Variants in TMPRSS7 observed in about 807,000 individuals in gnomAD.
TMPRSS7 encodes transmembrane protease serine 7.
TMPRSS7 carries 81 observed loss-of-function variants against 95.6 expected under a neutral mutation model. The observed-to-expected ratio is 0.85, with a 90% CI of 0.71 to 1.02. TMPRSS7 has a LOEUF of 1.02. TMPRSS7 is among the 50% of genes least tolerant of loss of function. The pLI, the probability that TMPRSS7 is intolerant of heterozygous loss-of-function variation, is 0.00. For synonymous variants in TMPRSS7, 364 were observed against 337.8 expected (o/e 1.08, Z -0.85); for missense variants, 945 against 955.2 (o/e 0.99, Z 0.14).
intron 10 of TMPRSS7, 80 bp downstream of exon 10, chr3:112,057,211 T>G: frequency 9.5e-7 from 1 of 1,056,190 alleles, no homozygotes; most frequent in South Asian, 1.5e-5. Flanking sequence ...CCTCAAAGAG[T>G]TTGCGCTTTA....
chr3:112,063,224 T>C (rs2073533008), intron 11 of TMPRSS7, among the ~76,000 whole-genome samples: 1 of 151,476 alleles, frequency 6.6e-6, no homozygotes, highest in Non-Finnish European at 1.5e-5. Flanking sequence ...TTCAGGTATA[T>C]GACAAAGTCA....
chr3:112,036,398 A>G (rs1226674230), intron 1 of TMPRSS7, among the ~76,000 whole-genome samples: 1 of 152,136 alleles, frequency 6.6e-6, no homozygotes, highest in Non-Finnish European at 1.5e-5. Flanking sequence ...GTGAAACCGC[A>G]TCTCTACTAC....
At chr3:112,063,666 T>C (rs944496893) in intron 12 of TMPRSS7, 34 bp downstream of exon 12, 6 of 1,536,108 alleles carry the variant, frequency 3.9e-6, no homozygotes, top group South Asian at 1.1e-5. Context: ...GACTTTCTTA[T>C]GAATAAGTAA....
At chr3:112,067,444 C>A (rs962535079) in intron 13 of TMPRSS7, among the ~76,000 whole-genome samples, 2 of 152,192 alleles carry the variant, frequency 1.3e-5, no homozygotes, top group Non-Finnish European at 2.9e-5. Flanking sequence ...ACACTCCCAC[C>A]AACAGTGTAA....
rs756528946 is a variant in TMPRSS7, at chr3:112,068,259, G to A, written c.1666+1757G>A. 4.6e-5 allele frequency among the ~76,000 whole-genome samples: 7 copies of A among 152,302 alleles called. No homozygotes were observed. In the East Asian group the frequency reaches 5.8e-4, roughly 13 times the overall value. Reference sequence around the variant, plus strand: ...AGTATAATTTGAAATCAGGTAGCGTGATGCCCCCAACTTTGTTCTTTTGGC... The same window carrying A: ...AGTATAATTTGAAATCAGGTAGCGTAATGCCCCCAACTTTGTTCTTTTGGC... On this transcript the variant is annotated intron_variant, in intron 13 of 17. Coordinates refer to ENST00000452346, the Ensembl canonical transcript of TMPRSS7.
chr3:112,062,400 C>G (rs1272046773), intron 11 of TMPRSS7, among the ~76,000 whole-genome samples: 2 of 152,110 alleles, frequency 1.3e-5, no homozygotes, highest in African/African-American at 4.8e-5. Flanking sequence ...GAAATTCATA[C>G]TGAAAACTAC....
intron 17 of TMPRSS7, among the ~76,000 whole-genome samples, chr3:112,080,559 C>T (rs1309123296): frequency 2.4e-5 from 2 of 83,382 alleles, no homozygotes; most frequent in Admixed American, 1.5e-4. Flanking sequence ...ACCACTACTA[C>T]TACTACTACT....
chr3:112,074,508 C>A lies in TMPRSS7; in HGVS notation c.1783+96C>A, dbSNP rs370180770. ...CCCTTCTTGGTGTATTTCCCTTGATCGAGGTTGCCATAGCCAAAACAAGAA... is the reference window on the plus strand; with the variant it reads ...CCCTTCTTGGTGTATTTCCCTTGATAGAGGTTGCCATAGCCAAAACAAGAA... On this transcript the variant is annotated intron_variant, in intron 14 of 17. Coordinates refer to ENST00000452346, the Ensembl canonical transcript of TMPRSS7. The A allele has an allele frequency of 2.1e-4, 198 of 929,420 alleles. No homozygotes were observed. In the East Asian group the frequency reaches 5.1e-3, roughly 24 times the overall value. The allele number at this position is 929,420 out of a possible 1,614,324, so 57.6% of individuals were successfully genotyped here. A position where few individuals can be genotyped will look rare whatever the true frequency, so the allele number is the denominator to read the frequency against.
chr3:112,061,069 G>T (rs970826823), intron 10 of TMPRSS7, among the ~76,000 whole-genome samples: 2 of 148,898 alleles, frequency 1.3e-5, no homozygotes, highest in African/African-American at 5.0e-5. Context: ...GATCTTTCAG[G>T]TTTCTCTGTG....
chr3:112,058,278 C>A (rs1291468547), intron 10 of TMPRSS7, among the ~76,000 whole-genome samples: 1 of 152,138 alleles, frequency 6.6e-6, no homozygotes, highest in East Asian at 1.9e-4. Context: ...TAAGGACATT[C>A]TTGGATTCAC....
At chr3:112,069,311 CT>C (rs199965209) in intron 13 of TMPRSS7, among the ~76,000 whole-genome samples, 4,559 of 152,194 alleles carry the variant, frequency 0.03, 191 homozygotes, top group African/African-American at 0.088. Context: ...CTCTGCCAGG[CT>C]TTGGTATCAG....
intron 10 of TMPRSS7, among the ~76,000 whole-genome samples, chr3:112,061,084 G>A (rs1392643445): frequency 6.7e-6 from 1 of 148,560 alleles, no homozygotes; most frequent in Non-Finnish European, 1.5e-5. Flanking sequence ...TCTGTGGGAA[G>A]AGCCTCATCT....
chr3:112,057,933 C>T (rs1353405716), intron 10 of TMPRSS7, among the ~76,000 whole-genome samples: 1 of 152,082 alleles, frequency 6.6e-6, no homozygotes, highest in East Asian at 1.9e-4. Flanking sequence ...GCCATGTTGG[C>T]CGGGCTGGTG....
At chr3:112,081,157 G>C in exon 18 of TMPRSS7, 2 of 1,469,688 alleles carry the variant, frequency 1.4e-6, no homozygotes, top group Non-Finnish European at 9.2e-7. Flanking sequence ...AATTGGCTGG[G>C]TGCGCTGGCT....
rs147783135 is a variant in TMPRSS7, at chr3:112,081,004, C to T, written c.2452C>T (p.Arg818Ter). ...TGTTAGCTGGGGACATGGAAGTGGA[C>T]GACCAAACTTTCCTGGTGTTTACAC... The change falls in exon 18 of 18, where the codon CGA becomes TGA. Residue 818 changes from arginine (R) to a stop codon, truncating the protein, a stop_gained. Transcript: ENST00000452346. LOFTEE classifies it high-confidence loss of function. The T allele has an allele frequency of 2.2e-4, 354 of 1,613,690 alleles. 2 individuals are homozygous for T. The East Asian group carries it at 5.7e-3, about 26-fold the overall frequency.
chr3:112,063,932 T>C (rs979471439), intron 12 of TMPRSS7, among the ~76,000 whole-genome samples: 3 of 152,174 alleles, frequency 2.0e-5, no homozygotes, highest in African/African-American at 7.2e-5. Flanking sequence ...CTTTTCCTCA[T>C]TGAGCCAGTG....
chr3:112,047,340 C>G, intron 6 of TMPRSS7: 1 of 592,814 alleles, frequency 1.7e-6, no homozygotes, highest in Middle Eastern at 2.6e-4. Flanking sequence ...CAGATCCAAA[C>G]TTATAATTTA....
At chr3:112,063,728 T>A (rs1413697052) in intron 12 of TMPRSS7, 96 bp downstream of exon 12, 5 of 1,065,194 alleles carry the variant, frequency 4.7e-6, no homozygotes, top group Non-Finnish European at 7.2e-6. Context: ...TTTGTAGTTA[T>A]TATCTATTAC....
intron 9 of TMPRSS7, among the ~76,000 whole-genome samples, chr3:112,051,670 TCTA>T (rs1576105457): frequency 1.5e-5 from 1 of 64,880 alleles, no homozygotes; most frequent in Non-Finnish European, 3.5e-5. Flanking sequence ...CTATCTATCA[TCTA>T]TCTATCTATC....
Sources: allele counts gnomAD v4.1 joint callset (sites outside exome capture counted in the v4.1 genomes callset), GRCh38; gene constraint gnomAD v4.1.1; transcripts MANE v1.5; gene names NCBI Gene and HGNC (gene_info 2026-07-23, HGNC 2026-07-21).